Variants in KCNQ5 observed in about 807,000 individuals in gnomAD.
KCNQ5 encodes the protein potassium voltage-gated channel subfamily KQT member 5.
A neutral mutation model predicts 98.2 loss-of-function variants in KCNQ5; 30 were observed. The ratio of observed to expected loss-of-function variants is 0.31; its 90% CI spans 0.23 to 0.41. The LOEUF (loss-of-function observed/expected upper bound fraction) is 0.41, where lower values mean the gene tolerates loss of function less well. Ranked by LOEUF, KCNQ5 falls within the 10% of genes least tolerant of loss-of-function variation. The pLI, the probability that KCNQ5 is intolerant of heterozygous loss-of-function variation, is 1.00. For synonymous variants in KCNQ5, 458 were observed against 449.4 expected (o/e 1.02, Z -0.24); for missense variants, 835 against 1,182.5 (o/e 0.71, Z 4.31).
intron 10 of KCNQ5, among the ~76,000 whole-genome samples, chr6:73,146,767 CCACTTGGCTTCA>C (rs1191792005): frequency 6.6e-6 from 1 of 151,724 alleles, no homozygotes; most frequent in Non-Finnish European, 1.5e-5. Context: ...ATGTGATTGA[CCACTTGGCTTCA>C]CCAGGATTAT....
intron 1 of KCNQ5, among the ~76,000 whole-genome samples, chr6:72,947,289 G>C (rs1766592860): frequency 6.6e-6 from 1 of 152,096 alleles, no homozygotes; most frequent in Non-Finnish European, 1.5e-5. Flanking sequence ...AGGTCAGGCA[G>C]TTTTTAATTT....
chr6:72,713,786 C>A (rs1294711745), intron 1 of KCNQ5, among the ~76,000 whole-genome samples: 1 of 152,210 alleles, frequency 6.6e-6, no homozygotes, highest in Non-Finnish European at 1.5e-5. Flanking sequence ...TCAGGCTTCT[C>A]CTTTACAGTA....
Position 73,114,520 on chromosome 6 carries a change from A to T in KCNQ5, c.1125+3117A>T, listed in dbSNP as rs376723514. Among the ~76,000 whole-genome samples, 24 of 152,322 alleles carry T rather than the reference A, an allele frequency of 1.6e-4. No individual in the cohort carries two copies. In the South Asian group the frequency reaches 5.0e-3, roughly 32 times the overall value. Reference sequence around the variant, plus strand: ...AAATTTGCTTTTCATTTCAAGCTGGAGCAGTCTGGAAAAAGAAATTAGCTC... The same window carrying T: ...AAATTTGCTTTTCATTTCAAGCTGGTGCAGTCTGGAAAAAGAAATTAGCTC... On this transcript the variant is annotated intron_variant, in intron 7 of 13. Coordinates refer to ENST00000370398, the MANE Select transcript of KCNQ5 (RefSeq NM_019842.4).
chr6:72,800,228 G>A (rs1384293695), intron 1 of KCNQ5, among the ~76,000 whole-genome samples: 1 of 152,150 alleles, frequency 6.6e-6, no homozygotes. Context: ...TTGTACCTCT[G>A]GTAGAATTCG....
chr6:73,065,167 C>T (rs1051017163), intron 3 of KCNQ5, among the ~76,000 whole-genome samples: 3 of 152,078 alleles, frequency 2.0e-5, no homozygotes, highest in African/African-American at 4.8e-5. Flanking sequence ...ATGGCCATAA[C>T]GGACAAGTAG....
intron 9 of KCNQ5, among the ~76,000 whole-genome samples, chr6:73,130,309 G>T (rs1776176798): frequency 6.6e-6 from 1 of 152,208 alleles, no homozygotes; most frequent in Non-Finnish European, 1.5e-5. Context: ...AGAACAGCCG[G>T]TAGTAGACTG....
intron 2 of KCNQ5, among the ~76,000 whole-genome samples, chr6:73,041,697 T>C (rs1288700134): frequency 6.6e-6 from 1 of 152,146 alleles, no homozygotes; most frequent in Admixed American, 6.5e-5. Context: ...CTCCCAAATT[T>C]ACGAAGCATT....
chr6:73,084,913 G>A (rs1773919293), intron 5 of KCNQ5, among the ~76,000 whole-genome samples: 1 of 152,176 alleles, frequency 6.6e-6, no homozygotes, highest in Non-Finnish European at 1.5e-5. Context: ...AAGCATGGGA[G>A]AATAAGAACC....
intron 1 of KCNQ5, among the ~76,000 whole-genome samples, chr6:72,781,724 A>G (rs1193520831): frequency 2.6e-5 from 4 of 152,154 alleles, no homozygotes; most frequent in Non-Finnish European, 5.9e-5. Context: ...CTTTATAACC[A>G]AAACAATTTC....
intron 1 of KCNQ5, among the ~76,000 whole-genome samples, chr6:72,661,000 C>T (rs1406860548): frequency 6.6e-6 from 1 of 151,916 alleles, no homozygotes; most frequent in African/African-American, 2.4e-5. Context: ...TTTTTAAAAT[C>T]ATACTTTTTT....
intron 1 of KCNQ5, among the ~76,000 whole-genome samples, chr6:72,665,341 CAAAA>C (rs57257881): frequency 1.8e-5 from 2 of 112,942 alleles, no homozygotes; most frequent in East Asian, 5.4e-4. Flanking sequence ...AATACCCTGT[CAAAA>C]AAAAAAAAAA....
At chr6:72,830,427 C>A (rs545516270) in intron 1 of KCNQ5, among the ~76,000 whole-genome samples, 1 of 152,102 alleles carries the variant, frequency 6.6e-6, no homozygotes, top group Non-Finnish European at 1.5e-5. Context: ...AGAAATAATA[C>A]CACACATGTA....
At chr6:72,886,428 G>C (rs533743088) in intron 1 of KCNQ5, among the ~76,000 whole-genome samples, 143 of 152,110 alleles carry the variant, frequency 9.4e-4, no homozygotes, top group African/African-American at 3.3e-3. Context: ...ATATAAAGGG[G>C]AAAAGGATGA....
At position 72,875,175 on chromosome 6, in the gene KCNQ5, C is replaced by T. The variant is rs547072859; in HGVS notation, c.399-128733C>T. Among the ~76,000 whole-genome samples the T allele has an allele frequency of 1.4e-4, 22 of 152,272 alleles. No homozygotes were observed. In the South Asian group the frequency reaches 4.6e-3, roughly 32 times the overall value. ...TGCTCAAAACTCTTTTACAGAAAGT[C>T]CATTATGACAACCTCATCACAGTGA... On this transcript the variant is annotated intron_variant, in intron 1 of 13. Transcript: ENST00000370398.
chr6:72,978,492 C>T (rs887839180), intron 1 of KCNQ5, among the ~76,000 whole-genome samples: 1 of 152,192 alleles, frequency 6.6e-6, no homozygotes, highest in Non-Finnish European at 1.5e-5. Flanking sequence ...TCTTTCCACA[C>T]TGAATGAGTA....
intron 10 of KCNQ5, among the ~76,000 whole-genome samples, chr6:73,141,725 T>C (rs1458540423): frequency 2.0e-5 from 3 of 152,220 alleles, no homozygotes; most frequent in South Asian, 4.1e-4. Context: ...CCAGGTTTCA[T>C]TGAGAAACCC....
intron 10 of KCNQ5, among the ~76,000 whole-genome samples, chr6:73,161,514 TG>T (rs1369199529): frequency 6.6e-6 from 1 of 152,224 alleles, no homozygotes; most frequent in Non-Finnish European, 1.5e-5. Context: ...TTTAAGATGA[TG>T]GATAGCCCAA....
chr6:72,802,524 C>T (rs534354732), intron 1 of KCNQ5, among the ~76,000 whole-genome samples: 1 of 152,272 alleles, frequency 6.6e-6, no homozygotes, highest in Admixed American at 6.5e-5. Context: ...CTTTGTCCCT[C>T]ATGTGGGCAA....
chr6:72,874,124 T>C (rs745455631), intron 1 of KCNQ5, among the ~76,000 whole-genome samples: 22 of 152,016 alleles, frequency 1.4e-4, no homozygotes, highest in Non-Finnish European at 3.2e-4. Flanking sequence ...ACCATAGTTT[T>C]TAAGCTAAAT....
Sources: gnomAD v4.1 joint callset for allele counts (sites outside exome capture counted in the v4.1 genomes callset) on GRCh38, gnomAD v4.1.1 for gene constraint, MANE v1.5 for transcripts, NCBI Gene and HGNC (gene_info 2026-07-23, HGNC 2026-07-21) for gene names.